SGK1: variants seen among roughly 807,000 people sequenced by gnomAD.
SGK1 encodes the protein serine/threonine-protein kinase Sgk1.
Under a neutral mutation model 64.2 loss-of-function variants are expected in SGK1, and 26 were observed. That is an observed-to-expected ratio of 0.40 (90% CI 0.30 to 0.56). The LOEUF (loss-of-function observed/expected upper bound fraction) is 0.56, where lower values mean the gene tolerates loss of function less well. SGK1 is among the 20% of genes least tolerant of loss of function. SGK1 has a pLI of 0.38. For synonymous variants in SGK1, 265 were observed against 239.7 expected, an observed-to-expected ratio of 1.11 and a Z score of -0.98; for missense variants, 519 against 645.6, an observed-to-expected ratio of 0.80 and a Z score of 2.12.
At chr6:134,270,638 C>T (rs905604461) in intron 1 of SGK1, among the ~76,000 whole-genome samples, 9 of 148,294 alleles carry the variant, frequency 6.1e-5, no homozygotes, top group African/African-American at 2.2e-4. Context: ...CAGTCCTTTC[C>T]TCTCACCTTG....
In SGK1 at chr6:134,221,820, T is replaced by C. The variant is rs189182984; in HGVS notation, c.286-14389A>G. Among the ~76,000 whole-genome samples the C allele has an allele frequency of 3.3e-3, 506 of 152,040 alleles. 4 individuals carry two copies. The highest frequency in any genetic ancestry group is 6.0e-3 in the Non-Finnish European group (409 of 67,968). Reference sequence around the variant, plus strand: ...GGTGTGGGCCACCACACCTGGCTAATTTTTGTGTTTTTTGTAGAGACAGGG... The same window carrying C: ...GGTGTGGGCCACCACACCTGGCTAACTTTTGTGTTTTTTGTAGAGACAGGG... On this transcript the variant is annotated intron_variant, in intron 2 of 13. Coordinates refer to ENST00000367858, the MANE Select transcript of SGK1 (RefSeq NM_001143676.3).
intron 3 of SGK1, among the ~76,000 whole-genome samples, chr6:134,184,504 CAAAAAAAAAAA>C (rs1162404618): frequency 6.3e-5 from 4 of 63,568 alleles, no homozygotes; most frequent in African/African-American, 2.5e-4. Flanking sequence ...GACTCCATCT[CAAAAAAAAAAA>C]AAAAAAAAAA....
chr6:134,241,770 G>A (rs867369585), intron 2 of SGK1, among the ~76,000 whole-genome samples: 23 of 152,128 alleles, frequency 1.5e-4, no homozygotes, highest in African/African-American at 4.6e-4. Flanking sequence ...ACAGGCGCCC[G>A]CCACCACACC....
At position 134,226,681 on chromosome 6, in the gene SGK1, G is replaced by A. The variant is rs146636274; in HGVS notation, c.286-19250C>T. 8.8e-3 allele frequency among the ~76,000 whole-genome samples: 1,322 copies of A among 150,024 alleles called. 19 individuals are homozygous for A. Among genetic ancestry groups the A allele is most frequent in the African/African-American group, 0.029 (1,183 of 40,564 alleles). ...TGCACTCAAGCCTGGGTGACAGAGT[G>A]AGACCCTGTCTCAAAAAAAAAAATA... On this transcript the variant is annotated intron_variant, in intron 2 of 13. Transcript: ENST00000367858.
chr6:134,274,283 C>T (rs762111122), intron 1 of SGK1, among the ~76,000 whole-genome samples: 2 of 152,000 alleles, frequency 1.3e-5, no homozygotes, highest in Non-Finnish European at 2.9e-5. Context: ...GGATTATAGG[C>T]GTGAGCCACC....
rs1278291791 is a variant in SGK1 at position 134,181,410 on chromosome 6, T to C, written c.362-6824A>G. ...CCCAGACTGGAGTGCAGTGGCGTGA[T>C]CTCAGCTCACTGCACCCTCTGCTTC... On this transcript the variant is annotated intron_variant, in intron 3 of 13. Coordinates refer to ENST00000367858, the MANE Select transcript of SGK1 (RefSeq NM_001143676.3). Among the ~76,000 whole-genome samples, 10 of 152,228 alleles carry C rather than the reference T, an allele frequency of 6.6e-5. No individual in the cohort carries two copies. The East Asian group carries it at 1.7e-3, about 26-fold the overall frequency.
At chr6:134,294,994 A>G (rs974248630) in intron 1 of SGK1, among the ~76,000 whole-genome samples, 1 of 152,252 alleles carries the variant, frequency 6.6e-6, no homozygotes, top group African/African-American at 2.4e-5. Context: ...AGGTCCTGGT[A>G]AAACGATTGT....
At chr6:134,255,375 G>T (rs1041696608) in intron 2 of SGK1, among the ~76,000 whole-genome samples, 1 of 151,816 alleles carries the variant, frequency 6.6e-6, no homozygotes, top group Non-Finnish European at 1.5e-5. Context: ...ACATGGATTT[G>T]CTAAATTAAA....
Position 134,184,504 on chromosome 6 carries a change from CA to C in SGK1, c.362-9919del, listed in dbSNP as rs1162404618. On this transcript the variant is annotated intron_variant, in intron 3 of 13. Coordinates refer to ENST00000367858, the MANE Select transcript of SGK1 (RefSeq NM_001143676.3). ...TGGGTGACAGAGTGAGACTCCATCTCAAAAAAAAAAAAAAAAAAAAAAAAAT... is the reference window on the plus strand; with the variant it reads ...TGGGTGACAGAGTGAGACTCCATCTCAAAAAAAAAAAAAAAAAAAAAAAAT... 6.3e-3 allele frequency among the ~76,000 whole-genome samples: 402 copies of C among 63,432 alleles called. 2 individuals are homozygous for C. Among genetic ancestry groups the C allele is most frequent in the African/African-American group, 0.011 (182 of 16,006 alleles). The allele number at this position is 63,432 out of a possible 152,430, so 41.6% of individuals were successfully genotyped here.
chr6:134,297,972 C>T, intron 1 of SGK1: 2 of 814,974 alleles, frequency 2.5e-6, no homozygotes, highest in South Asian at 2.7e-5. Context: ...CGGGGAGCGG[C>T]TGTTGTCCAT....
At chr6:134,247,531 C>G (rs562202231) in intron 2 of SGK1, among the ~76,000 whole-genome samples, 8 of 152,322 alleles carry the variant, frequency 5.3e-5, no homozygotes, top group African/African-American at 1.9e-4. Context: ...GTATATGTCA[C>G]AAGGAGGAAA....
intron 3 of SGK1, among the ~76,000 whole-genome samples, chr6:134,182,018 C>T (rs943749611): frequency 1.3e-4 from 20 of 151,942 alleles, no homozygotes; most frequent in African/African-American, 3.1e-4. Flanking sequence ...CCACCACGCC[C>T]GACTAATTTT....
intron 1 of SGK1, among the ~76,000 whole-genome samples, chr6:134,268,187 T>C (rs1776882180): frequency 1.3e-5 from 2 of 152,146 alleles, no homozygotes; most frequent in Non-Finnish European, 2.9e-5. Context: ...GGCTGCGGAT[T>C]GCTTTACTGG....
chr6:134,307,437 C>A (rs1037779684), intron 1 of SGK1, among the ~76,000 whole-genome samples: 2 of 152,188 alleles, frequency 1.3e-5, no homozygotes, highest in African/African-American at 2.4e-5. Flanking sequence ...ATTGTTACTA[C>A]AATTGTCCCT....
intron 2 of SGK1, 105 bp from the exon 3 acceptor site, chr6:134,207,536 C>T: frequency 1.3e-6 from 1 of 767,052 alleles, no homozygotes; most frequent in Non-Finnish European, 2.2e-6. Context: ...GAAACTAGTA[C>T]ATATGGCATG....
In SGK1 at chr6:134,169,555, C is replaced by T. The variant is rs1774939627; in HGVS notation, c.*713G>A. On this transcript the variant is annotated 3_prime_UTR_variant, in exon 14 of 14. Transcript: ENST00000367858. ...AAACACCAACGGCTCTGACTGACAA[C>T]TGGGGCATTGGTCCATAAAAACCCT... The T allele has an allele frequency of 6.6e-6, 1 of 152,324 alleles. No homozygotes were observed. Among genetic ancestry groups the T allele is most frequent in the Non-Finnish European group, 1.5e-5 (1 of 67,974 alleles). 9.4% of individuals were successfully genotyped at this position (152,324 alleles called of 1,614,324 possible). A position where few individuals can be genotyped will look rare whatever the true frequency, so the allele number is the denominator to read the frequency against.
At chr6:134,212,251 C>A (rs1454219749) in intron 2 of SGK1, among the ~76,000 whole-genome samples, 1 of 151,992 alleles carries the variant, frequency 6.6e-6, no homozygotes, top group African/African-American at 2.4e-5. Flanking sequence ...GACGGGGTTT[C>A]ATCATGTTAG....
chr6:134,243,222 T>C (rs1047390598), intron 2 of SGK1, among the ~76,000 whole-genome samples: 8 of 152,152 alleles, frequency 5.3e-5, no homozygotes, highest in African/African-American at 1.9e-4. Flanking sequence ...AATATACTGA[T>C]GGTTCAGTTT....
intron 1 of SGK1, among the ~76,000 whole-genome samples, chr6:134,310,209 C>G (rs989871320): frequency 6.6e-6 from 1 of 152,198 alleles, no homozygotes; most frequent in Non-Finnish European, 1.5e-5. Context: ...AGCACCAGCC[C>G]TTTAAAAAAT....
Sources: allele counts gnomAD v4.1 joint callset (sites outside exome capture counted in the v4.1 genomes callset), GRCh38; gene constraint gnomAD v4.1.1; transcripts MANE v1.5; gene names NCBI Gene and HGNC (gene_info 2026-07-23, HGNC 2026-07-21).